Variants in CASZ1 observed in about 807,000 individuals in gnomAD.
CASZ1 encodes the protein castor zinc finger 1, also known as zinc finger protein castor homolog 1.
Under a neutral mutation model 135.2 loss-of-function variants are expected in CASZ1, and 28 were observed. That is an observed-to-expected ratio of 0.21 (90% CI 0.15 to 0.28). The LOEUF (loss-of-function observed/expected upper bound fraction) is 0.28, where lower values mean the gene tolerates loss of function less well. Among genes scored for constraint, CASZ1 ranks in the 10% least tolerant of loss-of-function variants. The probability of loss-of-function intolerance (pLI) is 1.00; values close to 1 mark genes in which losing one functional copy is unlikely to be tolerated. For missense variants in CASZ1, 2,161 were observed against 2,453.3 expected (o/e 0.88, Z 2.52); for synonymous variants, 1,068 against 1,073.4 (o/e 0.99, Z 0.10).
rs374974033 is a variant in CASZ1, at chr1:10,762,525, C to T, written c.-233-1668G>A. Among the ~76,000 whole-genome samples, 108 of 152,248 alleles carry T rather than the reference C, an allele frequency of 7.1e-4. No homozygotes were observed. Among genetic ancestry groups the T allele is most frequent in the African/African-American group, 2.6e-3 (107 of 41,536 alleles). ...CCCCTGCCTGTTAGTCCAGAATCCC[C>T]CAAAGCCCTGGGCAGCCCGTCCACC... On this transcript the variant is annotated intron_variant, in intron 1 of 20. Coordinates refer to ENST00000377022, the MANE Select transcript of CASZ1 (RefSeq NM_001079843.3). The surrounding 1 kb of genome is among the most constrained non-coding windows in gnomAD (Gnocchi z 4.1).
intron 5 of CASZ1, among the ~76,000 whole-genome samples, chr1:10,664,685 G>A (rs747200116): frequency 1.1e-4 from 16 of 151,890 alleles, no homozygotes; most frequent in Admixed American, 3.9e-4. Flanking sequence ...TGACCGCTGC[G>A]CCCCTCTTGT....
At chr1:10,753,773 G>A (rs1303317860) in intron 2 of CASZ1, among the ~76,000 whole-genome samples, 1 of 152,154 alleles carries the variant, frequency 6.6e-6, no homozygotes, top group African/African-American at 2.4e-5. Context: ...TTCAAGAAGG[G>A]CGATCCGGGC....
intron 3 of CASZ1, among the ~76,000 whole-genome samples, chr1:10,696,389 G>A (rs1638935247): frequency 6.6e-6 from 1 of 152,214 alleles, no homozygotes; most frequent in Non-Finnish European, 1.5e-5. Flanking sequence ...CCTGAATAAG[G>A]GAACAGAACT....
intron 2 of CASZ1, among the ~76,000 whole-genome samples, chr1:10,708,542 G>A (rs915321011): frequency 1.3e-5 from 2 of 152,148 alleles, no homozygotes; most frequent in Non-Finnish European, 2.9e-5. Flanking sequence ...TCTTCCTATC[G>A]GCTGCTGCAC....
chr1:10,782,119 T>G (rs1288637055), intron 1 of CASZ1, among the ~76,000 whole-genome samples: 1 of 152,196 alleles, frequency 6.6e-6, no homozygotes, highest in Non-Finnish European at 1.5e-5. Flanking sequence ...TACCCCTCTA[T>G]AGAGACAGGT....
intron 2 of CASZ1, among the ~76,000 whole-genome samples, chr1:10,733,518 A>G (rs1049548064): frequency 6.6e-6 from 1 of 152,168 alleles, no homozygotes; most frequent in South Asian, 2.1e-4. Context: ...TTCAGGGACA[A>G]TGGCAAAAAG....
chr1:10,668,284 C>A (rs1643298825), intron 4 of CASZ1, among the ~76,000 whole-genome samples: 1 of 152,220 alleles, frequency 6.6e-6, no homozygotes, highest in Admixed American at 6.5e-5. Context: ...GACTCCTGTC[C>A]ATGTAAACAT....
Position 10,647,600 on chromosome 1 carries a change from C to T in CASZ1, c.3497+201G>A. 1 of 1,435,728 alleles carries T rather than the reference C, an allele frequency of 7.0e-7. No individual in the cohort carries two copies. The highest frequency in any genetic ancestry group is 1.5e-5 in the South Asian group (1 of 68,140). The allele number at this position is 1,435,728 out of a possible 1,614,324, so 88.9% of individuals were successfully genotyped here. ...TGCCGCCACCATCGGCCCACGCGGG[C>T]TGGCCTGCTCTGGGACAGGCAGTGA... is the stretch of plus-strand genomic sequence containing the variant. On this transcript the variant is annotated intron_variant, in intron 16 of 20. Transcript: ENST00000377022. The surrounding 1 kb of genome is among the most constrained non-coding windows in gnomAD (Gnocchi z 4.9).
At chr1:10,786,410 A>G (rs1640859661) in intron 1 of CASZ1, among the ~76,000 whole-genome samples, 2 of 152,246 alleles carry the variant, frequency 1.3e-5, no homozygotes, top group African/African-American at 4.8e-5. Flanking sequence ...GACAAAATGC[A>G]GAATCTGTGT....
At chr1:10,751,408 G>A (rs957832034) in intron 2 of CASZ1, among the ~76,000 whole-genome samples, 2 of 152,162 alleles carry the variant, frequency 1.3e-5, no homozygotes, top group East Asian at 3.9e-4. Flanking sequence ...TCTTCAGGGG[G>A]ATGATCTTTA....
intron 3 of CASZ1, among the ~76,000 whole-genome samples, chr1:10,698,955 T>G (rs7516542): frequency 0.36 from 55,005 of 152,038 alleles, 10,272 homozygotes; most frequent in African/African-American, 0.44. Context: ...AGCCAGCTCT[T>G]ACCCAAGCAC....
chr1:10,753,410 G>T (rs984237359), intron 2 of CASZ1, among the ~76,000 whole-genome samples: 1 of 152,220 alleles, frequency 6.6e-6, no homozygotes. Flanking sequence ...CAGCTCACCT[G>T]CGGGGGTCCC....
chr1:10,703,723 G>A (rs1013189772), intron 3 of CASZ1, among the ~76,000 whole-genome samples: 4 of 152,148 alleles, frequency 2.6e-5, no homozygotes, highest in African/African-American at 4.8e-5. Context: ...AGCGGGGGCC[G>A]GAAAACTTTT....
chr1:10,691,329 T>C (rs1638760993), intron 4 of CASZ1, among the ~76,000 whole-genome samples: 1 of 152,226 alleles, frequency 6.6e-6, no homozygotes, highest in South Asian at 2.1e-4. Flanking sequence ...GGCTGAACTA[T>C]GGTGGGGGAA....
intron 4 of CASZ1, among the ~76,000 whole-genome samples, chr1:10,668,175 G>T (rs2100304239): frequency 6.6e-6 from 1 of 152,248 alleles, no homozygotes; most frequent in Admixed American, 6.5e-5. Context: ...GGGAACAGGG[G>T]TGCGTTGGAG....
rs79735866 is a variant in CASZ1, at chr1:10,699,152, G to A, written c.-23-5240C>T. 2.7e-3 allele frequency among the ~76,000 whole-genome samples: 418 copies of A among 152,284 alleles called. 16 individuals carry two copies. The East Asian group carries it at 0.078, about 28-fold the overall frequency. ...GAGGCCTGGCAGGGTACCAGCCTTC[G>A]GGGAGAAGAGCTGGGGATCGACATG... On this transcript the variant is annotated intron_variant, in intron 3 of 20. Transcript: ENST00000377022. The surrounding 1 kb of genome is among the most constrained non-coding windows in gnomAD (Gnocchi z 4.6).
intron 2 of CASZ1, among the ~76,000 whole-genome samples, chr1:10,740,970 A>AAAAAAAAAAAAAAAAG (rs1639907918): frequency 8.0e-6 from 1 of 124,412 alleles, no homozygotes. Flanking sequence ...CAAAAAAAAA[A>AAAAAAAAAAAAAAAAG]AAAAAAAGAA....
At chr1:10,744,309 G>T (rs1007416837) in intron 2 of CASZ1, among the ~76,000 whole-genome samples, 1 of 152,192 alleles carries the variant, frequency 6.6e-6, no homozygotes, top group East Asian at 1.9e-4. Context: ...AGACTTCTTG[G>T]GGGTGGGGTG....
rs1642700762 is a variant in CASZ1 at position 10,653,986 on chromosome 1, T to C, written c.2071A>G (p.Lys691Glu). 1 of 1,613,970 alleles carries C rather than the reference T, an allele frequency of 6.2e-7. No individual in the cohort carries two copies. The highest frequency in any genetic ancestry group is 8.5e-7 in the Non-Finnish European group (1 of 1,179,974). Residue 691 changes from lysine (K) to glutamate (E), a missense_variant, in exon 11 of 21, where the codon AAG (lysine) becomes GAG (glutamate). This residue lies in a region of CASZ1 where 248 missense variants were observed against 410.8 expected (regional missense o/e 0.60). Transcript: ENST00000377022. ...STSQMTSHKR[K>E]HERRHIRSSG... Reference sequence around the variant, plus strand: ...GAGCGGATGTGCCGGCGCTCATGCTTGCGCTTGTGAGAGGTCATCTGGCTG... The same window carrying C: ...GAGCGGATGTGCCGGCGCTCATGCTCGCGCTTGTGAGAGGTCATCTGGCTG...
Sources: allele counts gnomAD v4.1 joint callset (sites outside exome capture counted in the v4.1 genomes callset), GRCh38; gene constraint gnomAD v4.1.1; regional missense constraint gnomAD v4.1.1; non-coding constraint Gnocchi (gnomAD v3.1); transcripts MANE v1.5; gene names NCBI Gene and HGNC (gene_info 2026-07-23, HGNC 2026-07-21).